Variants in IGSF21 observed in about 807,000 individuals in gnomAD.
IGSF21 encodes the protein immunoglobin superfamily member 21.
A neutral mutation model predicts 46.8 loss-of-function variants in IGSF21; 28 were observed. The ratio of observed to expected loss-of-function variants is 0.60; its 90% confidence interval spans 0.44 to 0.82. IGSF21 has a LOEUF of 0.82. Ranked by LOEUF, IGSF21 falls within the 40% of genes least tolerant of loss-of-function variation. IGSF21 has a pLI of 0.00. For synonymous variants in IGSF21, 284 were observed against 273.6 expected (o/e 1.04, Z -0.38); for missense variants, 624 against 665.5 (o/e 0.94, Z 0.69).
chr1:18,350,632 GA>G (rs964881463), intron 4 of IGSF21, among the ~76,000 whole-genome samples: 83 of 151,670 alleles, frequency 5.5e-4, no homozygotes, highest in African/African-American at 1.7e-3. Context: ...ATGTCAAGGG[GA>G]AAAAAAATGC....
At chr1:18,353,856 G>A (rs1247935631) in intron 4 of IGSF21, among the ~76,000 whole-genome samples, 3 of 152,222 alleles carry the variant, frequency 2.0e-5, no homozygotes, top group Non-Finnish European at 2.9e-5. Flanking sequence ...AGGGAGCAAG[G>A]TCTACAGCAC....
chr1:18,280,812 CTTGT>C (rs572280461), intron 2 of IGSF21, among the ~76,000 whole-genome samples: 11 of 152,130 alleles, frequency 7.2e-5, no homozygotes, highest in Non-Finnish European at 1.5e-4. Flanking sequence ...GCCTTGCCTT[CTTGT>C]TGATGCCTGG....
intron 1 of IGSF21, among the ~76,000 whole-genome samples, chr1:18,198,388 G>A (rs780527605): frequency 6.6e-6 from 1 of 152,178 alleles, no homozygotes; most frequent in Non-Finnish European, 1.5e-5. Context: ...CCGTAGGGTG[G>A]CCCTGCCCAT....
At chr1:18,237,340 C>T (rs1158817827) in intron 2 of IGSF21, among the ~76,000 whole-genome samples, 2 of 152,156 alleles carry the variant, frequency 1.3e-5, no homozygotes, top group African/African-American at 4.8e-5. Context: ...TAAAGAAGGA[C>T]AGGTGGGCCC....
intron 3 of IGSF21, among the ~76,000 whole-genome samples, chr1:18,321,155 G>C (rs991448447): frequency 1.2e-4 from 19 of 152,186 alleles, no homozygotes; most frequent in African/African-American, 4.1e-4. Context: ...ATGCATTCTT[G>C]CTGGAGTTTG....
rs186349988 is a variant in IGSF21, at chr1:18,313,200, C to T, written c.305+21213C>T. Among the ~76,000 whole-genome samples, 237 of 152,284 alleles carry T rather than the reference C, an allele frequency of 1.6e-3. 1 individual carries two copies. The highest frequency in any genetic ancestry group is 5.3e-3 in the African/African-American group (222 of 41,556). The stretch of plus-strand genomic sequence containing the variant: ...GGAAGGTGAGGGAGGGGAAGAAACT[C>T]GGGGAGGTCTCGGGCTTCAAATGAG... On this transcript the variant is annotated intron_variant, in intron 3 of 9. Transcript: ENST00000251296.
chr1:18,165,765 C>T (rs1430510550), intron 1 of IGSF21, among the ~76,000 whole-genome samples: 1 of 152,172 alleles, frequency 6.6e-6, no homozygotes, highest in Admixed American at 6.5e-5. Flanking sequence ...AAATATTTGC[C>T]CTGGCATGTT....
chr1:18,292,139 C>T, intron 3 of IGSF21, 152 bp downstream of exon 3: 2 of 834,672 alleles, frequency 2.4e-6, no homozygotes, highest in Non-Finnish European at 3.7e-6. Context: ...GGAAGTGGGA[C>T]CCATTCCCTG....
chr1:18,191,773 G>A (rs1015629377), intron 1 of IGSF21, among the ~76,000 whole-genome samples: 11 of 152,104 alleles, frequency 7.2e-5, no homozygotes, highest in Admixed American at 2.6e-4. Flanking sequence ...GGCTTCATCC[G>A]GTCCCTGCCC....
intron 1 of IGSF21, among the ~76,000 whole-genome samples, chr1:18,209,382 AG>A (rs1350274666): frequency 6.6e-6 from 1 of 152,110 alleles, no homozygotes; most frequent in Non-Finnish European, 1.5e-5. Flanking sequence ...CTTTCCTATC[AG>A]GAAGGCCAGG....
intron 1 of IGSF21, among the ~76,000 whole-genome samples, chr1:18,158,401 C>T (rs779686111): frequency 1.3e-5 from 2 of 152,274 alleles, no homozygotes; most frequent in Middle Eastern, 3.4e-3. Context: ...TAATACTGTG[C>T]GGTAGGAACG....
rs1557659626 is a variant in IGSF21, at chr1:18,359,383, A to AAAGAATGG, written c.425-2729_425-2728insAATGGAAG. On this transcript the variant is annotated intron_variant, in intron 4 of 9. Transcript: ENST00000251296. Reference sequence around the variant, plus strand: ...GAAAGAAAGAAAGAAAGAAAGAAAGAAAGGAAGGAAGGAAGGAAGGAAGGA... The same window carrying AAAGAATGG: ...GAAAGAAAGAAAGAAAGAAAGAAAGAAAGAATGGAAGGAAGGAAGGAAGGAAGGAAGGA... Among the ~76,000 whole-genome samples, 70 of 61,106 alleles carry AAAGAATGG rather than the reference A, an allele frequency of 1.1e-3. 2 individuals are homozygous for AAAGAATGG. Among genetic ancestry groups the AAAGAATGG allele is most frequent in the African/African-American group, 4.6e-3 (69 of 14,972 alleles). 40.1% of individuals were successfully genotyped at this position (61,106 alleles called of 152,430 possible). A position where few individuals can be genotyped will look rare whatever the true frequency, so the allele number is the denominator to read the frequency against.
At chr1:18,314,614 G>C (rs2085522223) in intron 3 of IGSF21, among the ~76,000 whole-genome samples, 1 of 152,170 alleles carries the variant, frequency 6.6e-6, no homozygotes, top group Non-Finnish European at 1.5e-5. Context: ...CCAGGGATCA[G>C]GGAAGGCAAG....
At chr1:18,192,979 T>C (rs1047896188) in intron 1 of IGSF21, among the ~76,000 whole-genome samples, 6 of 152,024 alleles carry the variant, frequency 3.9e-5, no homozygotes, top group African/African-American at 1.2e-4. Flanking sequence ...ACTGGAATCC[T>C]GGTCCTCACA....
In IGSF21 at chr1:18,336,952, T is replaced by C. The variant is rs1453206035; in HGVS notation, c.424+1942T>C. On this transcript the variant is annotated intron_variant, in intron 4 of 9. Transcript: ENST00000251296. The stretch of plus-strand genomic sequence containing the variant: ...TGAAATCATCAGATCTTGTGAGACT[T>C]ATTCACTATCATGAGAAATAGCACA... 5.3e-5 allele frequency among the ~76,000 whole-genome samples: 8 copies of C among 152,320 alleles called. No individual in the cohort carries two copies. In the East Asian group the frequency reaches 1.5e-3, roughly 29 times the overall value.
chr1:18,317,760 A>C (rs1165080889), intron 3 of IGSF21, among the ~76,000 whole-genome samples: 1 of 152,258 alleles, frequency 6.6e-6, no homozygotes, highest in African/African-American at 2.4e-5. Flanking sequence ...AATGCATGGC[A>C]TGATGACAAA....
chr1:18,349,155 C>G (rs1425832480), intron 4 of IGSF21, among the ~76,000 whole-genome samples: 1 of 152,144 alleles, frequency 6.6e-6, no homozygotes, highest in Non-Finnish European at 1.5e-5. Context: ...AACCGAGGCT[C>G]AGACAGAAGA....
At chr1:18,213,664 T>C (rs1052517008) in intron 1 of IGSF21, among the ~76,000 whole-genome samples, 2 of 151,966 alleles carry the variant, frequency 1.3e-5, no homozygotes, top group African/African-American at 4.8e-5. Flanking sequence ...TCTTCCTGGG[T>C]CTGGGCAACA....
intron 2 of IGSF21, among the ~76,000 whole-genome samples, chr1:18,264,142 A>G (rs999785682): frequency 1.7e-4 from 26 of 152,162 alleles, no homozygotes; most frequent in African/African-American, 6.3e-4. Context: ...TTCCTTGCTC[A>G]TTATCTTAAA....
Sources: gnomAD v4.1 joint callset for allele counts (sites outside exome capture counted in the v4.1 genomes callset) on GRCh38, gnomAD v4.1.1 for gene constraint, MANE v1.5 for transcripts, NCBI Gene and HGNC (gene_info 2026-07-23, HGNC 2026-07-21) for gene names.